Variants in PADI1 observed in about 807,000 individuals in gnomAD.
PADI1 encodes the protein protein-arginine deiminase type-1.
In PADI1, 65 loss-of-function variants were observed where a neutral mutation model predicts 74.8. The ratio of observed to expected loss-of-function variants is 0.87; its 90% CI spans 0.71 to 1.07. The LOEUF (loss-of-function observed/expected upper bound fraction) is 1.07. Ranked by LOEUF, PADI1 falls within the 50% of genes least tolerant of loss-of-function variation. The pLI is 0.00. For synonymous variants in PADI1, 371 were observed against 336.2 expected, an observed-to-expected ratio of 1.10 and a Z score of -1.13; for missense variants, 943 against 854.0, an observed-to-expected ratio of 1.10 and a Z score of -1.30.
At chr1:17,233,190 G>T (rs1205725193) in intron 11 of PADI1, among the ~76,000 whole-genome samples, 1 of 152,182 alleles carries the variant, frequency 6.6e-6, no homozygotes, top group Non-Finnish European at 1.5e-5. Context: ...CGATCTTTTG[G>T]CCTACCTCAT....
chr1:17,239,024 G>A (rs900528033), intron 13 of PADI1, among the ~76,000 whole-genome samples: 3 of 152,222 alleles, frequency 2.0e-5, no homozygotes, highest in Admixed American at 1.3e-4. Flanking sequence ...TCAGAAAGGT[G>A]AATTGGCTTG....
At chr1:17,237,517 A>G in intron 12 of PADI1, 59 bp downstream of exon 12, 2 of 1,498,224 alleles carry the variant, frequency 1.3e-6, no homozygotes, top group Non-Finnish European at 1.8e-6. Context: ...TGATGGGATG[A>G]GTCAGGGCAA....
chr1:17,219,241 G>A (rs2072067336), intron 1 of PADI1, among the ~76,000 whole-genome samples: 1 of 152,070 alleles, frequency 6.6e-6, no homozygotes, highest in South Asian at 2.1e-4. Context: ...GCCGCAGCGG[G>A]GGACTATGGG....
intron 11 of PADI1, among the ~76,000 whole-genome samples, chr1:17,234,439 C>A (rs1290511576): frequency 6.6e-6 from 1 of 152,082 alleles, no homozygotes; most frequent in African/African-American, 2.4e-5. Context: ...TTCATTTGGC[C>A]CCAGTAGTGG....
In PADI1 at chr1:17,226,072, G is replaced by A. The variant is rs1366117848; in HGVS notation, c.566G>A (p.Gly189Asp). The A allele has an allele frequency of 6.2e-7, 1 of 1,614,032 alleles. No homozygotes were observed. The highest frequency in any genetic ancestry group is 8.5e-7 in the Non-Finnish European group (1 of 1,180,032). Residue 189 changes from glycine to aspartate, a missense_variant, in exon 6 of 16, where the codon GGC becomes GAC. Physicochemically the swap from Gly to Asp is moderately conservative, Grantham distance 94 (BLOSUM62 -1). Transcript: ENST00000375471. ...TCCCCAATGCTGCTGAGCTGCAATG[G>A]CCCCGACAAGCTCTTCGACAGCCAC... ...DMSPMLLSCN[G>D]PDKLFDSHKL... is the part of the protein sequence containing the mutation.
chr1:17,244,330 C>A lies in PADI1; in HGVS notation c.*87C>A, dbSNP rs938106918. On this transcript the variant is annotated 3_prime_UTR_variant, in exon 16 of 16. Transcript: ENST00000375471. ...AAGGAACAACCACCTGGCCTCCATT[C>A]TCTTGGGGGAGTCTTGGCACTTTGC... is the stretch of plus-strand genomic sequence containing the variant. 15 of 986,330 alleles carry A rather than the reference C, an allele frequency of 1.5e-5. No homozygotes were observed. Among genetic ancestry groups the A allele is most frequent in the Non-Finnish European group, 2.1e-5 (13 of 615,870 alleles). The allele number at this position is 986,330 out of a possible 1,614,324, so 61.1% of individuals were successfully genotyped here. A position where few individuals can be genotyped will look rare whatever the true frequency, so the allele number is the denominator to read the frequency against.
rs530079621 is a variant in PADI1, at chr1:17,240,164, G to A, written c.1632+381G>A. The stretch of plus-strand genomic sequence containing the variant: ...ATTCAGGGGGATCCTGTGGGAACAG[G>A]TGAAGCAAGGTGTCAGGAAGGGGCA... On this transcript the variant is annotated intron_variant, in intron 14 of 15. Coordinates refer to ENST00000375471, the MANE Select transcript of PADI1 (RefSeq NM_013358.3). The A allele has an allele frequency of 9.5e-5, 25 of 264,524 alleles. 1 individual carries two copies. In the South Asian group the frequency reaches 1.4e-3, roughly 15 times the overall value. 16.4% of individuals were successfully genotyped at this position (264,524 alleles called of 1,614,324 possible).
rs772917180 is a variant in PADI1 at position 17,223,686 on chromosome 1, T to C, written c.339T>C (p.Thr113=). The C allele has an allele frequency of 2.5e-6, 4 of 1,613,742 alleles. No homozygotes were observed. Among genetic ancestry groups the C allele is most frequent in the Non-Finnish European group, 2.5e-6 (3 of 1,179,778 alleles). The part of the protein sequence containing the change: ...QALGRSVLYL[T]GVDISLEVDT... ...TGGGCCGCAGCGTGCTTTACCTCAC[T>C]GGCGTCGGTAAGTAGCAGCTCCCTG... Residue 113 remains threonine (T), a synonymous_variant, in exon 3 of 16, where the codon ACT becomes ACC. Transcript: ENST00000375471.
intron 1 of PADI1, among the ~76,000 whole-genome samples, chr1:17,214,044 G>A (rs2071905844): frequency 6.6e-6 from 1 of 152,182 alleles, no homozygotes; most frequent in African/African-American, 2.4e-5. Flanking sequence ...GGGCCATGGG[G>A]GCACAGAGGA....
rs376765489 is a variant in PADI1, at chr1:17,232,925, C to T, written c.1268C>T (p.Thr423Met). 12 of 1,612,060 alleles carry T rather than the reference C, an allele frequency of 7.4e-6. No individual in the cohort carries two copies. Among genetic ancestry groups the T allele is most frequent in the Admixed American group, 6.7e-5 (4 of 59,860 alleles). Residue 423 changes from threonine to methionine, a missense_variant, in exon 11 of 16, where the codon ACG becomes ATG. Physicochemically the swap from Thr to Met is moderately conservative, Grantham distance 81. Coordinates refer to ENST00000375471, the MANE Select transcript of PADI1 (RefSeq NM_013358.3). ...AGCCCGCCCGTCACGGTGGGCGGCA[C>T]GGAATACCCCCTGGGCCGGATCCTC... ...DVSPPVTVGG[T>M]EYPLGRILIG... is the part of the protein sequence containing the mutation.
At chr1:17,219,494 T>C (rs10749617) in intron 1 of PADI1, among the ~76,000 whole-genome samples, 142,117 of 152,072 alleles carry the variant, frequency 0.93, 66,815 homozygotes, top group East Asian at 1. Flanking sequence ...ACCTGCCCCG[T>C]GAAGGAGGGG....
chr1:17,235,337 G>T (rs2072616494), intron 11 of PADI1, among the ~76,000 whole-genome samples: 1 of 138,696 alleles, frequency 7.2e-6, no homozygotes, highest in Non-Finnish European at 1.6e-5. Flanking sequence ...GGACCATGTT[G>T]CAGGCAGAGG....
intron 11 of PADI1, among the ~76,000 whole-genome samples, chr1:17,233,552 G>T (rs191140028): frequency 6.6e-6 from 1 of 152,364 alleles, no homozygotes; most frequent in Admixed American, 6.5e-5. Context: ...CGCTCAAACA[G>T]GTGGCGATGT....
intron 1 of PADI1, among the ~76,000 whole-genome samples, chr1:17,218,902 G>A (rs550128373): frequency 8.5e-5 from 13 of 152,310 alleles, no homozygotes; most frequent in African/African-American, 3.1e-4. Flanking sequence ...AGGCAGGAGG[G>A]CTGGGAGATG....
intron 8 of PADI1, 88 bp from the exon 9 acceptor site, chr1:17,229,997 C>T: frequency 7.8e-7 from 1 of 1,289,404 alleles, no homozygotes; most frequent in Non-Finnish European, 1.1e-6. Context: ...CCAGAGGCTG[C>T]ACAGGGCCCA....
At position 17,244,020 on chromosome 1, in the gene PADI1, T is replaced by C. The variant is rs771345609; in HGVS notation, c.1769T>C (p.Val590Ala). 2.5e-5 allele frequency: 40 copies of C among 1,612,682 alleles called. No homozygotes were observed. Among genetic ancestry groups the C allele is most frequent in the Non-Finnish European group, 3.2e-5 (38 of 1,178,926 alleles). Residue 590 changes from valine (V) to alanine (A), a missense_variant, in exon 16 of 16, where the codon GTG (valine) becomes GCG (alanine). Val to Ala is a moderately conservative substitution (Grantham distance 64). Transcript: ENST00000375471. ...TTTTCTCTTTTGCAGGTTAACATGG[T>C]GGTCTTAGGCAAGTACCTGGGCATC... ...EAFFPDMVNM[V>A]VLGKYLGIPK...
At chr1:17,220,353 G>A (rs142723459) in intron 1 of PADI1, among the ~76,000 whole-genome samples, 22 of 152,252 alleles carry the variant, frequency 1.4e-4, no homozygotes, top group African/African-American at 5.1e-4. Context: ...CAGAGGTTGT[G>A]GAGGGGGTCT....
Position 17,205,317 on chromosome 1 carries a change from C to T in PADI1, c.92+8C>T. ...ACATGTGGACATTCACAGGTAAGAG[C>T]TGGGAGGCGCTCTCCTGGCTGCAGA... On this transcript the variant is annotated splice_region_variant and intron_variant, in intron 1 of 15. Transcript: ENST00000375471. The T allele has an allele frequency of 6.2e-7, 1 of 1,608,860 alleles. No homozygotes were observed. The highest frequency in any genetic ancestry group is 2.2e-5 in the East Asian group (1 of 44,836).
At chr1:17,232,768 C>T in intron 10 of PADI1, 51 bp from the exon 11 acceptor site, 1 of 1,559,354 alleles carries the variant, frequency 6.4e-7, no homozygotes, top group Non-Finnish European at 8.7e-7. Flanking sequence ...CTCGTCCTGT[C>T]CTCACTGACC....
Sources: allele counts gnomAD v4.1 joint callset (sites outside exome capture counted in the v4.1 genomes callset), GRCh38; gene constraint gnomAD v4.1.1; transcripts MANE v1.5; gene names NCBI Gene and HGNC (gene_info 2026-07-23, HGNC 2026-07-21).